Variants in ACSM2A observed in about 807,000 individuals in gnomAD.
ACSM2A encodes acyl-CoA synthetase medium chain family member 2A.
In ACSM2A, 72 loss-of-function variants were observed where a neutral mutation model predicts 76.6. The ratio of observed to expected loss-of-function variants is 0.94; its 90% CI spans 0.78 to 1.14. The LOEUF (loss-of-function observed/expected upper bound fraction) is 1.14. ACSM2A is among the 50% of genes most tolerant of loss of function. ACSM2A has a pLI of 0.00. For synonymous variants in ACSM2A, 249 were observed against 255.9 expected, an observed-to-expected ratio of 0.97 and a Z score of 0.26; for missense variants, 684 against 708.5, an observed-to-expected ratio of 0.97 and a Z score of 0.39.
chr16:20,472,466 C>A (rs1596662101), intron 6 of ACSM2A, among the ~76,000 whole-genome samples: 1 of 152,248 alleles, frequency 6.6e-6, no homozygotes, highest in Non-Finnish European at 1.5e-5. Flanking sequence ...TGCATAATTA[C>A]CCCTAAAAGC....
intron 6 of ACSM2A, chr16:20,474,104 A>G: frequency 2.3e-6 from 1 of 442,420 alleles, no homozygotes; most frequent in Non-Finnish European, 4.5e-6. Flanking sequence ...TGTCTCCCTA[A>G]AATGTATAAA....
chr16:20,478,732 C>T lies in ACSM2A; in HGVS notation c.1281+55C>T, dbSNP rs945947443. 3.7e-5 allele frequency: 58 copies of T among 1,564,502 alleles called. No homozygotes were observed. In the Middle Eastern group the frequency reaches 8.7e-4, roughly 24 times the overall value. On this transcript the variant is annotated intron_variant, in intron 10 of 13. Transcript: ENST00000573854. Reference sequence around the variant, plus strand: ...CCCCAGTGAGGATGGGAGCACTAAACGGGATGAGGGAGGACAAATGTTCTG... The same window carrying T: ...CCCCAGTGAGGATGGGAGCACTAAATGGGATGAGGGAGGACAAATGTTCTG...
chr16:20,452,936 A>G (rs1285682012), intron 1 of ACSM2A, among the ~76,000 whole-genome samples: 4 of 152,174 alleles, frequency 2.6e-5, no homozygotes, highest in Admixed American at 1.3e-4. Flanking sequence ...ATATGTGGAG[A>G]ACCAAGGAAC....
At chr16:20,472,640 C>G (rs796255136) in intron 6 of ACSM2A, among the ~76,000 whole-genome samples, 1 of 150,486 alleles carries the variant, frequency 6.6e-6, no homozygotes, top group Non-Finnish European at 1.5e-5. Flanking sequence ...TCTCTGACAG[C>G]ATCTGCCCCC....
At chr16:20,483,255 G>A (rs548701132) in intron 13 of ACSM2A, 78 bp downstream of exon 13, 8 of 1,580,602 alleles carry the variant, frequency 5.1e-6, no homozygotes, top group South Asian at 4.5e-5. Context: ...TCTTCAGGAG[G>A]AGGACAGTCC....
At position 20,486,914 on chromosome 16, in the gene ACSM2A, T is replaced by C. The variant is rs1275241180; in HGVS notation, c.*236T>C. ...CAGAAAAAAAGGAAAGAAAAGTAAG[T>C]CAGGGAAATATTAAAACTGCAAGGG... On this transcript the variant is annotated 3_prime_UTR_variant, in exon 14 of 14. Coordinates refer to ENST00000573854, the MANE Select transcript of ACSM2A (RefSeq NM_001308172.2). The C allele has an allele frequency of 2.3e-6, 1 of 427,026 alleles. No homozygotes were observed. Among genetic ancestry groups the C allele is most frequent in the Non-Finnish European group, 4.1e-6 (1 of 245,222 alleles). The allele number at this position is 427,026 out of a possible 1,614,324, so 26.5% of individuals were successfully genotyped here. A position where few individuals can be genotyped will look rare whatever the true frequency, so the allele number is the denominator to read the frequency against.
chr16:20,475,171 C>A (rs1362712404), intron 6 of ACSM2A, among the ~76,000 whole-genome samples, 191 bp from the exon 7 acceptor site: 1 of 152,194 alleles, frequency 6.6e-6, no homozygotes. Context: ...GTATTCATTT[C>A]CCTGTTATTT....
chr16:20,475,465 A>C (rs1280240643), intron 7 of ACSM2A, 24 bp downstream of exon 7: 1 of 1,613,400 alleles, frequency 6.2e-7, no homozygotes, highest in East Asian at 2.2e-5. Flanking sequence ...GAGGATTGGT[A>C]AGAGAGTCTG....
At position 20,486,323 on chromosome 16, in the gene ACSM2A, C is replaced by T. The variant is rs367637374; in HGVS notation, c.1630-251C>T. The stretch of plus-strand genomic sequence containing the variant: ...ATGTCAAGGCTCAGCTGGCTGACTG[C>T]TGTGCCATGTTGTGTCTGTTATGCT... On this transcript the variant is annotated intron_variant, in intron 13 of 13. Transcript: ENST00000573854. Among the ~76,000 whole-genome samples the T allele has an allele frequency of 1.3e-5, 2 of 152,226 alleles. 1 individual carries two copies. The highest frequency in any genetic ancestry group is 4.1e-4 in the South Asian group (2 of 4,828).
intron 2 of ACSM2A, among the ~76,000 whole-genome samples, chr16:20,463,297 G>A (rs2012752902): frequency 6.6e-6 from 1 of 151,828 alleles, no homozygotes; most frequent in Non-Finnish European, 1.5e-5. Context: ...TTTTCAATGT[G>A]AGAAGGACAT....
In ACSM2A at chr16:20,465,687, G is replaced by A; in HGVS notation, c.348G>A (p.Val116=). 2.5e-6 allele frequency: 4 copies of A among 1,613,974 alleles called. No individual in the cohort carries two copies. The highest frequency in any genetic ancestry group is 3.4e-6 in the Non-Finnish European group (4 of 1,179,852). ...GDRVAVVLPR[V]PEWWLVILGC... ...GTGTGGCAGTGGTGCTGCCCCGAGT[G>A]CCTGAGTGGTGGCTGGTGATCCTGG... The change falls in exon 3 of 14, where the codon GTG becomes GTA. Residue 116 remains valine, a synonymous_variant. Transcript: ENST00000573854.
At chr16:20,459,768 T>C (rs6416611) in intron 1 of ACSM2A, among the ~76,000 whole-genome samples, 60,234 of 151,966 alleles carry the variant, frequency 0.4, 13,773 homozygotes, top group East Asian at 0.79. Context: ...AATCCTAGAA[T>C]GGAAAGGGAG....
At chr16:20,459,306 T>C (rs1226910937) in intron 1 of ACSM2A, among the ~76,000 whole-genome samples, 1 of 152,174 alleles carries the variant, frequency 6.6e-6, no homozygotes, top group Non-Finnish European at 1.5e-5. Flanking sequence ...AGCTGTAATT[T>C]CTAAAGTGAT....
At chr16:20,470,751 G>T in intron 4 of ACSM2A, 2 of 520,764 alleles carry the variant, frequency 3.8e-6, no homozygotes, top group Non-Finnish European at 7.4e-6. Context: ...TTCTTACTAA[G>T]CAATTTGCTC....
intron 2 of ACSM2A, among the ~76,000 whole-genome samples, chr16:20,462,670 C>T (rs1222960352): frequency 2.0e-5 from 3 of 152,082 alleles, no homozygotes; most frequent in East Asian, 1.9e-4. Flanking sequence ...AGGGGATATG[C>T]GAAGGGTCTA....
chr16:20,469,399 T>A, intron 3 of ACSM2A, 113 bp from the exon 4 acceptor site: 2 of 1,528,178 alleles, frequency 1.3e-6, no homozygotes, highest in South Asian at 2.6e-5. Context: ...TATTGGTCAT[T>A]ACTTCCTCAT....
At chr16:20,466,310 G>T (rs1467469261) in intron 3 of ACSM2A, among the ~76,000 whole-genome samples, 2 of 152,122 alleles carry the variant, frequency 1.3e-5, no homozygotes, top group Admixed American at 6.5e-5. Flanking sequence ...AAGTCTCAAT[G>T]GAAGTGATAT....
intron 1 of ACSM2A, among the ~76,000 whole-genome samples, chr16:20,454,723 C>T (rs1054864066): frequency 2.4e-4 from 36 of 151,790 alleles, no homozygotes; most frequent in Non-Finnish European, 3.8e-4. Context: ...ACCAGGAAAA[C>T]GATTCTGGGA....
At chr16:20,466,501 T>C (rs1447405100) in intron 3 of ACSM2A, among the ~76,000 whole-genome samples, 2 of 152,176 alleles carry the variant, frequency 1.3e-5, no homozygotes, top group Non-Finnish European at 2.9e-5. Context: ...AATAATTGCA[T>C]AGACAGCCAA....
Sources: gnomAD v4.1 joint callset for allele counts (sites outside exome capture counted in the v4.1 genomes callset) on GRCh38, gnomAD v4.1.1 for gene constraint, MANE v1.5 for transcripts, NCBI Gene and HGNC (gene_info 2026-07-23, HGNC 2026-07-21) for gene names.